Variants in TRPC6 observed in about 807,000 individuals in gnomAD.
The protein encoded by TRPC6 is short transient receptor potential channel 6.
TRPC6 carries 55 observed loss-of-function variants against 90.7 expected under a neutral mutation model. The ratio of observed to expected loss-of-function variants is 0.61; its 90% CI spans 0.49 to 0.76. The LOEUF (loss-of-function observed/expected upper bound fraction) is 0.76. Among genes scored for constraint, TRPC6 ranks in the 30% least tolerant of loss-of-function variants. The pLI is 0.00. For synonymous variants in TRPC6, 393 were observed against 393.0 expected (o/e 1.00, Z 0.00); for missense variants, 989 against 1,122.7 (o/e 0.88, Z 1.70).
chr11:101,489,178 G>T, intron 3 of TRPC6, 77 bp from the exon 4 acceptor site: 1 of 1,282,628 alleles, frequency 7.8e-7, no homozygotes, highest in Non-Finnish European at 1.1e-6. Context: ...TGTTCTAATA[G>T]TTCCATGCTT....
At chr11:101,558,607 G>C (rs183812172) in intron 1 of TRPC6, among the ~76,000 whole-genome samples, 1 of 151,704 alleles carries the variant, frequency 6.6e-6, no homozygotes, top group East Asian at 1.9e-4. Context: ...ACCCAAGCTG[G>C]AGTGCAATCA....
chr11:101,511,946 T>C (rs915916454), intron 1 of TRPC6, among the ~76,000 whole-genome samples: 1 of 152,020 alleles, frequency 6.6e-6, no homozygotes, highest in Non-Finnish European at 1.5e-5. Context: ...TGAGCCGAGA[T>C]CACGCCACTG....
At chr11:101,455,706 T>C (rs2136640129) in intron 10 of TRPC6, 1 of 152,526 alleles carries the variant, frequency 6.6e-6, no homozygotes, top group East Asian at 1.9e-4. Flanking sequence ...AAGCATACCT[T>C]ATTAACATGC....
At chr11:101,498,828 C>T (rs1299209571) in intron 2 of TRPC6, among the ~76,000 whole-genome samples, 4 of 152,130 alleles carry the variant, frequency 2.6e-5, no homozygotes, top group Admixed American at 2.6e-4. Context: ...TTTGCTCGCC[C>T]ACCCACCCAT....
intron 10 of TRPC6, among the ~76,000 whole-genome samples, chr11:101,459,801 T>C (rs1317625752): frequency 2.0e-5 from 3 of 152,190 alleles, no homozygotes; most frequent in Non-Finnish European, 1.5e-5. Flanking sequence ...GACCTATCTT[T>C]GCAAAAAATT....
chr11:101,494,339 C>T (rs1859894125), intron 2 of TRPC6, among the ~76,000 whole-genome samples: 1 of 152,106 alleles, frequency 6.6e-6, no homozygotes, highest in South Asian at 2.1e-4. Context: ...TAGGTAAGAA[C>T]ACTGAGGCTT....
rs184238615 is a variant in TRPC6 at position 101,505,110 on chromosome 11, T to C, written c.171-312A>G. 3.1e-3 allele frequency among the ~76,000 whole-genome samples: 466 copies of C among 152,326 alleles called. 2 individuals are homozygous for C. Among genetic ancestry groups the C allele is most frequent in the Non-Finnish European group, 5.5e-3 (377 of 68,020 alleles). On this transcript the variant is annotated intron_variant, in intron 1 of 12. Coordinates refer to ENST00000344327, the MANE Select transcript of TRPC6 (RefSeq NM_004621.6). ...ATAGATGGTATAGACTTAGGAAAGA[T>C]GTCTATATCCATACCCTCTTATCCA...
intron 10 of TRPC6, among the ~76,000 whole-genome samples, chr11:101,466,460 G>A (rs1351829446): frequency 6.6e-6 from 1 of 152,246 alleles, no homozygotes; most frequent in Non-Finnish European, 1.5e-5. Flanking sequence ...GCTGCAGTGG[G>A]CTCTGCCCAG....
At chr11:101,560,710 G>C (rs770001731) in intron 1 of TRPC6, among the ~76,000 whole-genome samples, 1 of 152,056 alleles carries the variant, frequency 6.6e-6, no homozygotes, top group Non-Finnish European at 1.5e-5. Context: ...GAAGCAACCC[G>C]GAGTGCAGAG....
At chr11:101,563,435 T>C (rs1040739066) in intron 1 of TRPC6, among the ~76,000 whole-genome samples, 4 of 152,168 alleles carry the variant, frequency 2.6e-5, no homozygotes, top group African/African-American at 4.8e-5. Context: ...AGGGCTGATA[T>C]GATAGAAAAC....
At chr11:101,530,968 G>A (rs929274978) in intron 1 of TRPC6, among the ~76,000 whole-genome samples, 1 of 152,172 alleles carries the variant, frequency 6.6e-6, no homozygotes, top group Non-Finnish European at 1.5e-5. Context: ...GGAGGTGTTG[G>A]TCAAAGGGTA....
At position 101,558,547 on chromosome 11, in the gene TRPC6, T is replaced by C. The variant is rs541419882; in HGVS notation, c.170+24787A>G. ...GAAAGCCCAGGACATGATTTATGTA[T>C]GGTCGATTGATTTTTTGTGTGTTTG... is the stretch of plus-strand genomic sequence containing the variant. On this transcript the variant is annotated intron_variant, in intron 1 of 12. Coordinates refer to ENST00000344327, the MANE Select transcript of TRPC6 (RefSeq NM_004621.6). 1.3e-5 allele frequency among the ~76,000 whole-genome samples: 2 copies of C among 150,688 alleles called. 1 individual carries two copies. The highest frequency in any genetic ancestry group is 3.0e-5 in the Non-Finnish European group (2 of 67,722).
At chr11:101,469,323 G>A (rs979325234) in intron 10 of TRPC6, 104 bp downstream of exon 10, 10 of 686,242 alleles carry the variant, frequency 1.5e-5, no homozygotes, top group Middle Eastern at 4.7e-4. Flanking sequence ...TATTTAATGG[G>A]TCTGTTCTCT....
chr11:101,451,991 A>G lies in TRPC6; in HGVS notation c.*964T>C, dbSNP rs1464068465. The G allele has an allele frequency of 2.0e-5, 3 of 152,214 alleles. No homozygotes were observed. Among genetic ancestry groups the G allele is most frequent in the South Asian group, 2.1e-4 (1 of 4,834 alleles). The allele number at this position is 152,214 out of a possible 1,614,324, so 9.4% of individuals were successfully genotyped here. A position where few individuals can be genotyped will look rare whatever the true frequency, so the allele number is the denominator to read the frequency against. ...GGTAGAAGGATAGAACATATTGAAA[A>G]TAACAGATAAGTATTTACAAATTCT... On this transcript the variant is annotated 3_prime_UTR_variant, in exon 13 of 13. Coordinates refer to ENST00000344327, the MANE Select transcript of TRPC6 (RefSeq NM_004621.6).
At chr11:101,462,868 G>C (rs1345618889) in intron 10 of TRPC6, among the ~76,000 whole-genome samples, 2 of 152,092 alleles carry the variant, frequency 1.3e-5, no homozygotes, top group Non-Finnish European at 2.9e-5. Context: ...GGTGAGGGAG[G>C]ACATCCTTCT....
intron 1 of TRPC6, among the ~76,000 whole-genome samples, chr11:101,510,111 A>G (rs1180347814): frequency 6.6e-6 from 1 of 152,110 alleles, no homozygotes; most frequent in East Asian, 1.9e-4. Context: ...TGCTCTCCTT[A>G]TCTTTCTTAA....
chr11:101,528,662 G>A (rs1860840595), intron 1 of TRPC6, among the ~76,000 whole-genome samples: 1 of 152,024 alleles, frequency 6.6e-6, no homozygotes, highest in South Asian at 2.1e-4. Context: ...TGCAGATGCA[G>A]GACCATCACC....
rs149437800 is a variant in TRPC6, at chr11:101,497,280, A to G, written c.946-5542T>C. Among the ~76,000 whole-genome samples the G allele has an allele frequency of 4.6e-3, 700 of 152,334 alleles. 4 individuals are homozygous for G. Among genetic ancestry groups the G allele is most frequent in the African/African-American group, 0.016 (666 of 41,588 alleles). ...TACACTTTCTTCTTCCTCTTTGGTCAGGATCCAAGTCCTGTTCTTCTGGAG... is the reference window on the plus strand; with the variant it reads ...TACACTTTCTTCTTCCTCTTTGGTCGGGATCCAAGTCCTGTTCTTCTGGAG... On this transcript the variant is annotated intron_variant, in intron 2 of 12. Transcript: ENST00000344327.
At chr11:101,506,762 T>G (rs1860278119) in intron 1 of TRPC6, among the ~76,000 whole-genome samples, 2 of 152,170 alleles carry the variant, frequency 1.3e-5, no homozygotes, top group Non-Finnish European at 2.9e-5. Flanking sequence ...CCATAGCTAT[T>G]ACTTTGTTTT....
Sources: gnomAD v4.1 joint callset for allele counts (sites outside exome capture counted in the v4.1 genomes callset) on GRCh38, gnomAD v4.1.1 for gene constraint, MANE v1.5 for transcripts, NCBI Gene and HGNC (gene_info 2026-07-23, HGNC 2026-07-21) for gene names.